SREBF1: variants seen among roughly 807,000 people sequenced by gnomAD.
The protein encoded by SREBF1 is sterol regulatory element-binding protein 1.
A neutral mutation model predicts 100.1 loss-of-function variants in SREBF1; 45 were observed. That is an observed-to-expected ratio of 0.45 (90% CI 0.35 to 0.58). The LOEUF is 0.58. SREBF1 is among the 20% of genes least tolerant of loss of function. The probability of loss-of-function intolerance (pLI) is 0.00; values close to 1 mark genes in which losing one functional copy is unlikely to be tolerated. For missense variants in SREBF1, 1,324 were observed against 1,539.4 expected, an observed-to-expected ratio of 0.86 and a Z score of 2.34; for synonymous variants, 657 against 681.8, an observed-to-expected ratio of 0.96 and a Z score of 0.57.
intron 16 of SREBF1, 113 bp from the exon 17 acceptor site, chr17:17,813,882 C>T: frequency 9.0e-7 from 1 of 1,107,958 alleles, no homozygotes; most frequent in Non-Finnish European, 1.3e-6. Context: ...GGCACTGCAC[C>T]CGCCTCACAC....
At chr17:17,818,065 C>T in intron 6 of SREBF1, 149 bp from the exon 7 acceptor site, 13 of 916,316 alleles carry the variant, frequency 1.4e-5, no homozygotes, top group Non-Finnish European at 2.2e-5. Context: ...CAAAGGGAGG[C>T]ACCAGGTCTC....
In SREBF1 at chr17:17,816,257, C is replaced by T; in HGVS notation, c.2164G>A (p.Ala722Thr). The T allele has an allele frequency of 7.8e-7, 1 of 1,276,126 alleles. No homozygotes were observed. Among genetic ancestry groups the T allele is most frequent in the Non-Finnish European group, 1.0e-6 (1 of 993,028 alleles). 79.1% of individuals were successfully genotyped at this position (1,276,126 alleles called of 1,614,324 possible). Reference sequence around the variant, plus strand: ...AGACTGGTCTTCACTCTCAATGCAGCCGCCACATAGATCTCGGCCAGCGTC... The same window carrying T: ...AGACTGGTCTTCACTCTCAATGCAGTCGCCACATAGATCTCGGCCAGCGTC... ...VATLAEIYVA[A>T]ALRVKTSLPR... Residue 722 changes from alanine to threonine, a missense_variant, in exon 11 of 19, where the codon GCT becomes ACT. Ala to Thr is a moderately conservative substitution (Grantham distance 58, BLOSUM62 0). Coordinates refer to ENST00000261646, the MANE Select transcript of SREBF1 (RefSeq NM_004176.5).
At chr17:17,816,755 T>C (rs1326245869) in intron 9 of SREBF1, 37 bp from the exon 10 acceptor site, 1 of 1,566,200 alleles carries the variant, frequency 6.4e-7, no homozygotes, top group Non-Finnish European at 8.6e-7. Context: ...AAAAGTGAGG[T>C]CAGAGCAGCT....
At chr17:17,812,877 A>G (rs568883133) in intron 18 of SREBF1, 26 bp from the exon 19 acceptor site, 37 of 1,469,836 alleles carry the variant, frequency 2.5e-5, no homozygotes, top group Non-Finnish European at 3.2e-5. Context: ...TGTGTCAGGG[A>G]TGGGTCTCAA....
chr17:17,812,689 C>G lies in SREBF1; in HGVS notation c.3377G>C (p.Arg1126Pro), dbSNP rs753129914. The G allele has an allele frequency of 6.2e-7, 1 of 1,606,270 alleles. No individual in the cohort carries two copies. Among genetic ancestry groups the G allele is most frequent in the Non-Finnish European group, 8.5e-7 (1 of 1,176,848 alleles). The change falls in exon 19 of 19, where the codon CGG becomes CCG. Residue 1126 changes from arginine to proline, a missense_variant. Coordinates refer to ENST00000261646, the MANE Select transcript of SREBF1 (RefSeq NM_004176.5). ...ARTLEKLGDR[R>P]LLHDCQQMLM... ...CATCTGCTGACAGTCGTGCAGCAGCCGGCGATCGCCAAGCTTCTCGAGTGT... is the reference window on the plus strand; with the variant it reads ...CATCTGCTGACAGTCGTGCAGCAGCGGGCGATCGCCAAGCTTCTCGAGTGT...
chr17:17,817,359 G>A lies in SREBF1; in HGVS notation c.1503C>T (p.Asn501=). The change falls in exon 8 of 19, where the codon AAC becomes AAT. Residue 501 remains asparagine, a synonymous_variant. Transcript: ENST00000261646. This position sits in a 1 kb window ranked among gnomAD's most constrained non-coding sequence, Gnocchi z 6.6. Reference sequence around the variant, plus strand: ...GGGCCCCCAGCAAGGAGGCCAAGGGGTTGCAGGACAGGCAGAGGAAGACGA... The same window carrying A: ...GGGCCCCCAGCAAGGAGGCCAAGGGATTGCAGGACAGGCAGAGGAAGACGA... ...CTLVFLCLSC[N]PLASLLGARG... The A allele has an allele frequency of 6.2e-7, 1 of 1,607,960 alleles. No individual in the cohort carries two copies. The highest frequency in any genetic ancestry group is 8.5e-7 in the Non-Finnish European group (1 of 1,178,102).
chr17:17,818,639 T>C, intron 5 of SREBF1: 1 of 545,814 alleles, frequency 1.8e-6, no homozygotes, highest in Non-Finnish European at 3.3e-6. Flanking sequence ...AGGCCTTCCC[T>C]GGCTACCACC....
rs754950812 is a variant in SREBF1 at position 17,817,383 on chromosome 17, G to T, written c.1479C>A (p.Leu493=). Residue 493 remains leucine, a synonymous_variant, in exon 8 of 19, where the codon CTC becomes CTA. Coordinates refer to ENST00000261646, the MANE Select transcript of SREBF1 (RefSeq NM_004176.5). The surrounding 1 kb of genome is among the most constrained non-coding windows in gnomAD (Gnocchi z 6.6). ...LDRSRLALCT[L]VFLCLSCNPL... The stretch of plus-strand genomic sequence containing the variant: ...GGTTGCAGGACAGGCAGAGGAAGAC[G>T]AGCGTGCACAGGGCCAGGCGGGAGC... 5 of 1,606,728 alleles carry T rather than the reference G, an allele frequency of 3.1e-6. No individual in the cohort carries two copies. The highest frequency in any genetic ancestry group is 4.2e-6 in the Non-Finnish European group (5 of 1,177,374).
chr17:17,829,205 A>AAAAAAAAATAT (rs1210718799), intron 1 of SREBF1, among the ~76,000 whole-genome samples: 1 of 65,874 alleles, frequency 1.5e-5, no homozygotes, highest in African/African-American at 8.8e-5. Context: ...AAAAAAAAAA[A>AAAAAAAAATAT]ATATATATAT....
chr17:17,816,379 AG>A lies in SREBF1; in HGVS notation c.2048-7del. The A allele has an allele frequency of 1.3e-6, 2 of 1,591,406 alleles. No homozygotes were observed. The highest frequency in any genetic ancestry group is 3.5e-5 in the Admixed American group (2 of 56,756). On this transcript the variant is annotated splice_polypyrimidine_tract_variant and splice_region_variant and intron_variant, in intron 10 of 18. Coordinates refer to ENST00000261646, the MANE Select transcript of SREBF1 (RefSeq NM_004176.5). ...GTGCCCGCCTGTGTGCTTCCCTGGA[AG>A]GCAAGCAGGCATGAGGCTGTGGGTG... is the stretch of plus-strand genomic sequence containing the variant.
chr17:17,817,392 C>A lies in SREBF1; in HGVS notation c.1470G>T (p.Leu490=). 6.2e-7 allele frequency: 1 copy of A among 1,605,412 alleles called. No individual in the cohort carries two copies. Residue 490 remains leucine, a synonymous_variant, in exon 8 of 19, where the codon CTG becomes CTT. Coordinates refer to ENST00000261646, the MANE Select transcript of SREBF1 (RefSeq NM_004176.5). This position sits in a 1 kb window ranked among gnomAD's most constrained non-coding sequence, Gnocchi z 6.6. The stretch of plus-strand genomic sequence containing the variant: ...ACAGGCAGAGGAAGACGAGCGTGCA[C>A]AGGGCCAGGCGGGAGCGGTCCAGCA... ...RGMLDRSRLA[L]CTLVFLCLSC...
chr17:17,812,902 C>A, intron 18 of SREBF1, 51 bp from the exon 19 acceptor site: 1 of 1,424,284 alleles, frequency 7.0e-7, no homozygotes, highest in South Asian at 1.4e-5. Context: ...GCCACGCCCC[C>A]GCGGGAGCCC....
intron 1 of SREBF1, among the ~76,000 whole-genome samples, chr17:17,828,432 G>C (rs937295639): frequency 1.3e-5 from 2 of 152,208 alleles, no homozygotes; most frequent in African/African-American, 4.8e-5. Flanking sequence ...CAGGTGTGCG[G>C]AATTACCCTC....
At position 17,813,558 on chromosome 17, in the gene SREBF1, C is replaced by G. The variant is rs184208843; in HGVS notation, c.3102+11G>C. 1 of 1,594,682 alleles carries G rather than the reference C, an allele frequency of 6.3e-7. No homozygotes were observed. Among genetic ancestry groups the G allele is most frequent in the African/African-American group, 1.3e-5 (1 of 74,516 alleles). On this transcript the variant is annotated intron_variant, in intron 17 of 18. Transcript: ENST00000261646. ...CTCCCCGTCTTGAGGACAGGGCCAT[C>G]GGGCACTCACCCTCCGCATGGCGGG...
intron 1 of SREBF1, chr17:17,823,565 G>A (rs1438498820): frequency 1.2e-6 from 2 of 1,613,458 alleles, no homozygotes; most frequent in Admixed American, 1.7e-5. Flanking sequence ...CGCCCTTGGG[G>A]CGTCCAGGCC....
intron 1 of SREBF1, among the ~76,000 whole-genome samples, chr17:17,827,965 C>G (rs894423446): frequency 6.6e-6 from 1 of 152,222 alleles, no homozygotes; most frequent in African/African-American, 2.4e-5. Flanking sequence ...ACCACCACCC[C>G]CCCAGACCTA....
rs781158826 is a variant in SREBF1 at position 17,814,770 on chromosome 17, TG to T, written c.2603-24del. ...CGCCTGCAGAAGAGGGAGGGTCCCCTGAACCCTCAGTCACGCTGCACGGGGG... is the reference window on the plus strand; with the variant it reads ...CGCCTGCAGAAGAGGGAGGGTCCCCTAACCCTCAGTCACGCTGCACGGGGG... On this transcript the variant is annotated intron_variant, in intron 14 of 18. Coordinates refer to ENST00000261646, the MANE Select transcript of SREBF1 (RefSeq NM_004176.5). 2.5e-6 allele frequency: 4 copies of T among 1,611,198 alleles called. No homozygotes were observed. The Admixed American group carries it at 6.7e-5, about 27-fold the overall frequency.
Position 17,814,946 on chromosome 17 carries a change from T to A in SREBF1, c.2493-2A>T, listed in dbSNP as rs767124369. The A allele has an allele frequency of 8.3e-6, 13 of 1,561,738 alleles. No individual in the cohort carries two copies. Among genetic ancestry groups the A allele is most frequent in the Non-Finnish European group, 7.8e-6 (9 of 1,153,076 alleles). ...TACCCGAGGGCATCCGAGAATTCCC[T>A]GTGGAAGGAGAGAGCTGGCTGTCGG... On this transcript the variant is annotated splice_acceptor_variant, in intron 13 of 18. Transcript: ENST00000261646. LOFTEE classifies it high-confidence loss of function.
intron 5 of SREBF1, 110 bp from the exon 6 acceptor site, chr17:17,818,484 C>T (rs759034631): frequency 2.6e-6 from 2 of 756,276 alleles, no homozygotes; most frequent in Non-Finnish European, 2.3e-6. Context: ...AACATTACTG[C>T]CTCAGGACCT....
Sources: allele counts gnomAD v4.1 joint callset (sites outside exome capture counted in the v4.1 genomes callset), GRCh38; gene constraint gnomAD v4.1.1; non-coding constraint Gnocchi (gnomAD v3.1); transcripts MANE v1.5; gene names NCBI Gene and HGNC (gene_info 2026-07-23, HGNC 2026-07-21).